The following FBH1 variants were observed in gnomAD, a reference collection of about 807,000 sequenced individuals.
FBH1 encodes F-box DNA helicase 1.
In FBH1, 43 loss-of-function variants were observed where a neutral mutation model predicts 115.5. That is an observed-to-expected ratio of 0.37 (90% CI 0.29 to 0.48). The LOEUF is 0.48. FBH1 is among the 20% of genes least tolerant of loss of function. FBH1 has a pLI of 0.99. For synonymous variants in FBH1, 524 were observed against 507.8 expected (o/e 1.03, Z -0.43); for missense variants, 1,001 against 1,337.3 (o/e 0.75, Z 3.92).
At position 5,924,380 on chromosome 10, in the gene FBH1, G is replaced by A; in HGVS notation, c.2468G>A (p.Arg823Lys). Residue 823 changes from arginine to lysine, a missense_variant, in exon 17 of 21, where the codon AGG becomes AAG. Physicochemically the swap from Arg to Lys is conservative, Grantham distance 26. Around this residue, in one of 4 missense-constraint regions of FBH1, gnomAD observed 521 missense variants for 811.0 expected, o/e 0.64. Coordinates refer to ENST00000362091, the MANE Select transcript of FBH1 (RefSeq NM_178150.3). The surrounding 1 kb of genome is among the most constrained non-coding windows in gnomAD (Gnocchi z 6.2). ...AAAGAAGGCTTTAGTGGCTTCAAGAGGTATGTGACCGCTGCCGAGGACAAG... is the reference window on the plus strand; with the variant it reads ...AAAGAAGGCTTTAGTGGCTTCAAGAAGTATGTGACCGCTGCCGAGGACAAG... ...VHKEGFSGFK[R>K]YVTAAEDKEL... is the part of the protein sequence containing the mutation. The A allele has an allele frequency of 1.2e-6, 2 of 1,614,210 alleles. No individual in the cohort carries two copies. Among genetic ancestry groups the A allele is most frequent in the Non-Finnish European group, 1.7e-6 (2 of 1,180,034 alleles).
rs772381502 is a variant in FBH1 at position 5,906,383 on chromosome 10, C to T, written c.504C>T (p.Asp168=). 3 of 1,614,104 alleles carry T rather than the reference C, an allele frequency of 1.9e-6. No homozygotes were observed. Among genetic ancestry groups the T allele is most frequent in the African/African-American group, 1.3e-5 (1 of 75,066 alleles). Residue 168 remains aspartate, a synonymous_variant, in exon 3 of 21, where the codon GAC becomes GAT. Coordinates refer to ENST00000362091, the MANE Select transcript of FBH1 (RefSeq NM_178150.3). The surrounding 1 kb of genome is among the most constrained non-coding windows in gnomAD (Gnocchi z 7.3). Reference sequence around the variant, plus strand: ...GGGAGGCCAGGCAAGAAGCAGAGGACAGTACGTCTCGGCTCTCTGCGGAGT... The same window carrying T: ...GGGAGGCCAGGCAAGAAGCAGAGGATAGTACGTCTCGGCTCTCTGCGGAGT... ...RPREARQEAE[D]STSRLSAESG...
chr10:5,923,848 G>A lies in FBH1; in HGVS notation c.2398+152G>A, dbSNP rs1376360020. On this transcript the variant is annotated intron_variant, in intron 16 of 20. Transcript: ENST00000362091. The surrounding 1 kb of genome is among the most constrained non-coding windows in gnomAD (Gnocchi z 5.7). ...CTTCCCATGACGAGGGGGGTGCCTC[G>A]GGCCTCCTGTTTTCATAGGTACTGA... The A allele has an allele frequency of 2.1e-5, 14 of 669,414 alleles. No individual in the cohort carries two copies. Among genetic ancestry groups the A allele is most frequent in the Middle Eastern group, 3.0e-4 (1 of 3,292 alleles). 41.5% of individuals were successfully genotyped at this position (669,414 alleles called of 1,614,324 possible).
rs889437288 is a variant in FBH1, at chr10:5,936,886, T to C, written c.2962-224T>C. Reference sequence around the variant, plus strand: ...GCTTTTCTTGGTTCTTTATCTTGACTGGATAAATGACTGTTTCTGAGCTCA... The same window carrying C: ...GCTTTTCTTGGTTCTTTATCTTGACCGGATAAATGACTGTTTCTGAGCTCA... On this transcript the variant is annotated intron_variant, in intron 20 of 20. Coordinates refer to ENST00000362091, the MANE Select transcript of FBH1 (RefSeq NM_178150.3). This position sits in a 1 kb window ranked among gnomAD's most constrained non-coding sequence, Gnocchi z 5.6. The C allele has an allele frequency of 4.9e-6, 3 of 609,950 alleles. No individual in the cohort carries two copies. Among genetic ancestry groups the C allele is most frequent in the Non-Finnish European group, 8.5e-6 (3 of 351,140 alleles). The allele number at this position is 609,950 out of a possible 1,614,324, so 37.8% of individuals were successfully genotyped here.
chr10:5,925,060 G>T lies in FBH1; in HGVS notation c.2597-307G>T, dbSNP rs1042638492. ...AGGCAAGCTGTGCAGCCCTCTTCTG[G>T]GCTCTGTCCCTTCATGTGTTAGATC... On this transcript the variant is annotated intron_variant, in intron 17 of 20. Coordinates refer to ENST00000362091, the MANE Select transcript of FBH1 (RefSeq NM_178150.3). This position sits in a 1 kb window ranked among gnomAD's most constrained non-coding sequence, Gnocchi z 4.6. 6.6e-6 allele frequency among the ~76,000 whole-genome samples: 1 copy of T among 152,152 alleles called. No individual in the cohort carries two copies. The highest frequency in any genetic ancestry group is 1.5e-5 in the Non-Finnish European group (1 of 68,026).
rs1461742357 is a variant in FBH1, at chr10:5,909,831, G to T, written c.1020+537G>T. Among the ~76,000 whole-genome samples, 1 of 152,188 alleles carries T rather than the reference G, an allele frequency of 6.6e-6. No individual in the cohort carries two copies. The highest frequency in any genetic ancestry group is 2.4e-5 in the African/African-American group (1 of 41,446). On this transcript the variant is annotated intron_variant, in intron 5 of 20. Transcript: ENST00000362091. The surrounding 1 kb of genome is among the most constrained non-coding windows in gnomAD (Gnocchi z 4.4). ...GCGTGTGTTTTACTGGCCACAGAGG[G>T]CTGGGAACCCAGGCAACTGCATTTC...
At position 5,900,332 on chromosome 10, in the gene FBH1, G is replaced by T. The variant is rs568217158; in HGVS notation, c.2-2688G>T. 1.4e-3 allele frequency among the ~76,000 whole-genome samples: 210 copies of T among 152,314 alleles called. No homozygotes were observed. The highest frequency in any genetic ancestry group is 2.6e-3 in the Non-Finnish European group (176 of 68,038). On this transcript the variant is annotated intron_variant, in intron 1 of 20. Coordinates refer to ENST00000362091, the MANE Select transcript of FBH1 (RefSeq NM_178150.3). The surrounding 1 kb of genome is among the most constrained non-coding windows in gnomAD (Gnocchi z 4.2). ...ACTTATCAGACTTAGATGAGATTGG[G>T]CGCGTTCAGGGTGGTATGGCCGTAG...
chr10:5,905,664 A>G (rs1843646184), intron 2 of FBH1, among the ~76,000 whole-genome samples: 1 of 152,204 alleles, frequency 6.6e-6, no homozygotes, highest in African/African-American at 2.4e-5. Flanking sequence ...TTGTAGAGTT[A>G]GTGGGAGCGG....
chr10:5,924,227 GCA>G lies in FBH1; in HGVS notation c.2399-83_2399-82del. 2.2e-6 allele frequency: 3 copies of G among 1,373,028 alleles called. No individual in the cohort carries two copies. The highest frequency in any genetic ancestry group is 2.4e-5 in the East Asian group (1 of 42,536). 85.1% of individuals were successfully genotyped at this position (1,373,028 alleles called of 1,614,324 possible). A position where few individuals can be genotyped will look rare whatever the true frequency, so the allele number is the denominator to read the frequency against. On this transcript the variant is annotated intron_variant, in intron 16 of 20. Transcript: ENST00000362091. The surrounding 1 kb of genome is among the most constrained non-coding windows in gnomAD (Gnocchi z 6.2). ...CCACTTTAAGACCATCTGCTCTTGC[GCA>G]GCTGCTTAGGAACGTGCAGCACCTG...
chr10:5,925,225 C>T lies in FBH1; in HGVS notation c.2597-142C>T. On this transcript the variant is annotated intron_variant, in intron 17 of 20. Coordinates refer to ENST00000362091, the MANE Select transcript of FBH1 (RefSeq NM_178150.3). The surrounding 1 kb of genome is among the most constrained non-coding windows in gnomAD (Gnocchi z 4.6). The stretch of plus-strand genomic sequence containing the variant: ...AGTTGTCTGTTCCCGACAGTTGTTT[C>T]CTCTTTCCCCCTTTTCCTACAAAAC... 1.0e-6 allele frequency: 1 copy of T among 986,022 alleles called. No individual in the cohort carries two copies. Among genetic ancestry groups the T allele is most frequent in the Non-Finnish European group, 1.5e-6 (1 of 675,786 alleles). 61.1% of individuals were successfully genotyped at this position (986,022 alleles called of 1,614,324 possible).
At position 5,921,857 on chromosome 10, in the gene FBH1, T is replaced by C. The variant is rs1292865540; in HGVS notation, c.2322+288T>C. ...CAATGCCAGTGAGGCCGCGGGTTAC[T>C]GGAAGCTTTTCTAGTCATGTGTTGT... On this transcript the variant is annotated intron_variant, in intron 15 of 20. Coordinates refer to ENST00000362091, the MANE Select transcript of FBH1 (RefSeq NM_178150.3). The surrounding 1 kb of genome is among the most constrained non-coding windows in gnomAD (Gnocchi z 6.4). Among the ~76,000 whole-genome samples, 1 of 152,198 alleles carries C rather than the reference T, an allele frequency of 6.6e-6. No homozygotes were observed. The highest frequency in any genetic ancestry group is 1.5e-5 in the Non-Finnish European group (1 of 68,030).
chr10:5,891,991 A>G (rs973224974), intron 1 of FBH1, among the ~76,000 whole-genome samples: 2 of 152,216 alleles, frequency 1.3e-5, no homozygotes, highest in Admixed American at 6.5e-5. Context: ...TGTCTTCTCT[A>G]TGAACCTTCT....
chr10:5,898,196 C>G (rs1241265850), intron 1 of FBH1, among the ~76,000 whole-genome samples: 2 of 152,230 alleles, frequency 1.3e-5, no homozygotes, highest in Non-Finnish European at 2.9e-5. Flanking sequence ...AGAAGTCTCT[C>G]TCACTCACAG....
chr10:5,927,201 G>T (rs1377849019), intron 18 of FBH1, among the ~76,000 whole-genome samples: 4 of 152,178 alleles, frequency 2.6e-5, no homozygotes, highest in African/African-American at 7.2e-5. Flanking sequence ...ACATTCCCAG[G>T]ATTTACGTAG....
At chr10:5,922,613 G>C (rs563815333) in intron 15 of FBH1, among the ~76,000 whole-genome samples, 3 of 152,290 alleles carry the variant, frequency 2.0e-5, no homozygotes, top group African/African-American at 4.8e-5. Context: ...TCACACACCT[G>C]GTTGTGGGTT....
Position 5,906,686 on chromosome 10 carries a change from T to G in FBH1, c.753+54T>G. On this transcript the variant is annotated intron_variant, in intron 3 of 20. Transcript: ENST00000362091. The surrounding 1 kb of genome is among the most constrained non-coding windows in gnomAD (Gnocchi z 7.3). ...TTCCTCTAAAAGCACGTAACTTTGC[T>G]TAATGCACGCTTATAATCAGAGGAT... 1 of 1,382,748 alleles carries G rather than the reference T, an allele frequency of 7.2e-7. No individual in the cohort carries two copies. The highest frequency in any genetic ancestry group is 1.0e-6 in the Non-Finnish European group (1 of 1,003,584). 85.7% of individuals were successfully genotyped at this position (1,382,748 alleles called of 1,614,324 possible).
rs760986453 is a variant in FBH1, at chr10:5,917,489, C to T, written c.1858C>T (p.His620Tyr). 5.5e-5 allele frequency: 88 copies of T among 1,614,092 alleles called. No individual in the cohort carries two copies. Among genetic ancestry groups the T allele is most frequent in the Non-Finnish European group, 7.3e-5 (86 of 1,180,040 alleles). The change falls in exon 11 of 21, where the codon CAC becomes TAC. Residue 620 changes from histidine to tyrosine, a missense_variant. By Grantham distance (83) the His-to-Tyr change is moderately conservative. Around this residue, in one of 4 missense-constraint regions of FBH1, gnomAD observed 521 missense variants for 811.0 expected, o/e 0.64. Transcript: ENST00000362091. This position sits in a 1 kb window ranked among gnomAD's most constrained non-coding sequence, Gnocchi z 5.6. ...RKLGECTEEA[H>Y]QMTHDGYLKL... Reference sequence around the variant, plus strand: ...GCTGGGGGAGTGCACAGAAGAGGCGCACCAGATGACTCATGACGGTAGGCG... The same window carrying T: ...GCTGGGGGAGTGCACAGAAGAGGCGTACCAGATGACTCATGACGGTAGGCG...
At chr10:5,908,207 T>G (rs1843842386) in intron 3 of FBH1, among the ~76,000 whole-genome samples, 1 of 152,240 alleles carries the variant, frequency 6.6e-6, no homozygotes, top group South Asian at 2.1e-4. Context: ...GTGGTGCATA[T>G]ATATTTATAG....
chr10:5,909,044 G>C lies in FBH1; in HGVS notation c.873G>C (p.Leu291=), dbSNP rs750785992. 1 of 1,614,170 alleles carries C rather than the reference G, an allele frequency of 6.2e-7. No homozygotes were observed. ...GIEKESDLCV[L]NLIRYTATTK... Reference sequence around the variant, plus strand: ...AAAAGGAGTCAGACCTGTGTGTGCTGAACCTCATACGGTGAGCTTTGCCTG... The same window carrying C: ...AAAAGGAGTCAGACCTGTGTGTGCTCAACCTCATACGGTGAGCTTTGCCTG... Residue 291 remains leucine (L), a synonymous_variant, in exon 4 of 21, where the codon CTG becomes CTC. Transcript: ENST00000362091. The surrounding 1 kb of genome is among the most constrained non-coding windows in gnomAD (Gnocchi z 4.4).
chr10:5,926,745 T>A (rs904912462), intron 18 of FBH1, among the ~76,000 whole-genome samples: 1 of 152,222 alleles, frequency 6.6e-6, no homozygotes, highest in Non-Finnish European at 1.5e-5. Context: ...TGTAATTTTT[T>A]TGGGGGACAT....
Sources: gnomAD v4.1 joint callset for allele counts (sites outside exome capture counted in the v4.1 genomes callset) on GRCh38, gnomAD v4.1.1 for gene constraint, gnomAD v4.1.1 regional missense constraint, Gnocchi (gnomAD v3.1) non-coding constraint, MANE v1.5 for transcripts, NCBI Gene and HGNC (gene_info 2026-07-23, HGNC 2026-07-21) for gene names.